Variants in LRCH4 observed in about 807,000 individuals in gnomAD.
The protein encoded by LRCH4 is leucine rich repeats and calponin homology domain containing 4.
A neutral mutation model predicts 81.2 loss-of-function variants in LRCH4; 56 were observed. The observed-to-expected ratio is 0.69, with a 90% CI of 0.56 to 0.86. LRCH4 has a LOEUF of 0.86. LRCH4 is among the 40% of genes least tolerant of loss of function. LRCH4 has a pLI of 0.00. For missense variants in LRCH4, 895 were observed against 922.8 expected, an observed-to-expected ratio of 0.97 and a Z score of 0.39; for synonymous variants, 442 against 409.7, an observed-to-expected ratio of 1.08 and a Z score of -0.95.
intron 1 of LRCH4, 34 bp downstream of exon 1, chr7:100,585,847 G>A (rs1378947688): frequency 2.6e-6 from 4 of 1,526,488 alleles, no homozygotes; most frequent in Admixed American, 2.0e-5. Flanking sequence ...GCAAATGAGG[G>A]ACCCGGTTGG....
rs1348217748 is a variant in LRCH4, at chr7:100,574,628, G to GCACACACACACACACACACACA, written c.*478_*479insTGTGTGTGTGTGTGTGTGTGTG. 12 of 134,178 alleles carry GCACACACACACACACACACACA rather than the reference G, an allele frequency of 8.9e-5. No individual in the cohort carries two copies. The highest frequency in any genetic ancestry group is 3.7e-4 in the African/African-American group (12 of 32,572). 8.3% of individuals were successfully genotyped at this position (134,178 alleles called of 1,614,324 possible). On this transcript the variant is annotated 3_prime_UTR_variant, in exon 18 of 18. Coordinates refer to ENST00000310300, the MANE Select transcript of LRCH4 (RefSeq NM_002319.5). ...CAACACGCGGAGCAGACGCGCGCGC[G>GCACACACACACACACACACACA]CGCGCACACACACACACACAGGCAG...
chr7:100,580,467 A>AT (rs1801499886), intron 4 of LRCH4: 1 of 151,060 alleles, frequency 6.6e-6, no homozygotes, highest in South Asian at 2.1e-4. Context: ...ACACGCAAAC[A>AT]ACATACATAC....
At chr7:100,581,939 C>A in intron 3 of LRCH4, 57 bp from the exon 4 acceptor site, 1 of 1,609,896 alleles carries the variant, frequency 6.2e-7, no homozygotes, top group African/African-American at 1.3e-5. Flanking sequence ...CAGAACCCAC[C>A]CTCCCATCTC....
intron 14 of LRCH4, 51 bp downstream of exon 14, chr7:100,576,643 C>A: frequency 6.8e-7 from 1 of 1,468,752 alleles, no homozygotes; most frequent in South Asian, 1.2e-5. Flanking sequence ...GTGATGTAGC[C>A]GTTGGTGCTG....
chr7:100,577,581 G>C lies in LRCH4; in HGVS notation c.1117-23C>G. The C allele has an allele frequency of 6.2e-7, 1 of 1,611,330 alleles. No individual in the cohort carries two copies. The highest frequency in any genetic ancestry group is 8.5e-7 in the Non-Finnish European group (1 of 1,179,890). On this transcript the variant is annotated intron_variant, in intron 9 of 17. Transcript: ENST00000310300. This position sits in a 1 kb window ranked among gnomAD's most constrained non-coding sequence, Gnocchi z 6.7. ...CTCCTAAGGAGAGAACAGCAGAGCA[G>C]CTGAGGGCAGGCCTGTGCCCACGCC... is the stretch of plus-strand genomic sequence containing the variant.
At position 100,586,006 on chromosome 7, in the gene LRCH4, C is replaced by A; in HGVS notation, c.95G>T (p.Arg32Leu). 6.2e-7 allele frequency: 1 copy of A among 1,609,534 alleles called. No individual in the cohort carries two copies. The change falls in exon 1 of 18, where the codon CGC becomes CTC. Residue 32 changes from arginine (R) to leucine (L), a missense_variant. Arg to Leu is a moderately radical substitution (Grantham distance 102). Coordinates refer to ENST00000310300, the MANE Select transcript of LRCH4 (RefSeq NM_002319.5). ...VPGSPGLPGR[R>L]SAERALEEAV... ...CTCCTCTAGGGCCCGCTCTGCACTG[C>A]GTCTCCCCGGCAGACCTGGAGACCC...
intron 4 of LRCH4, 43 bp downstream of exon 4, chr7:100,581,734 C>T (rs764692333): frequency 1.7e-5 from 27 of 1,565,196 alleles, no homozygotes; most frequent in East Asian, 9.0e-5. Flanking sequence ...CCAACTGGGA[C>T]GCACATACAA....
Position 100,585,967 on chromosome 7 carries a change from C to G in LRCH4, c.134G>C (p.Gly45Ala). The change falls in exon 1 of 18, where the codon GGG becomes GCG. Residue 45 changes from glycine (G) to alanine (A), a missense_variant. Gly to Ala is a moderately conservative substitution (Grantham distance 60, BLOSUM62 0). This residue lies in a region of LRCH4 where 360 missense variants were observed against 397.0 expected (regional missense o/e 0.91). Coordinates refer to ENST00000310300, the MANE Select transcript of LRCH4 (RefSeq NM_002319.5). ...GCGCCGGTTAGACAGGTTCAGGGTC[C>G]CGGTGGCCACGGCCTCCTCTAGGGC... ...ERALEEAVAT[G>A]TLNLSNRRLK... The G allele has an allele frequency of 6.2e-7, 1 of 1,612,396 alleles. No homozygotes were observed. Among genetic ancestry groups the G allele is most frequent in the African/African-American group, 1.3e-5 (1 of 74,846 alleles).
rs201639027 is a variant in LRCH4 at position 100,575,190 on chromosome 7, A to G, written c.1969T>C (p.Ser657Pro). The change falls in exon 18 of 18, where the codon TCT becomes CCT. Residue 657 changes from serine (S) to proline (P), a missense_variant. By Grantham distance (74) the Ser-to-Pro change is moderately conservative (BLOSUM62 -1). Coordinates refer to ENST00000310300, the MANE Select transcript of LRCH4 (RefSeq NM_002319.5). The surrounding 1 kb of genome is among the most constrained non-coding windows in gnomAD (Gnocchi z 5.3). ...GKALPPLWPP[S>P]GLGGFVVFYV... Reference sequence around the variant, plus strand: ...AAGACGACGAAGCCGCCCAGACCAGAGGGGGGCCAGAGGGGCGGTAGGGCC... The same window carrying G: ...AAGACGACGAAGCCGCCCAGACCAGGGGGGGGCCAGAGGGGCGGTAGGGCC... 847 of 1,613,094 alleles carry G rather than the reference A, an allele frequency of 5.3e-4. 8 individuals are homozygous for G. Among genetic ancestry groups the G allele is most frequent in the East Asian group, 5.8e-4 (26 of 44,856 alleles).
Position 100,575,339 on chromosome 7 carries a change from G to A in LRCH4, c.1855-35C>T, listed in dbSNP as rs1257152466. The A allele has an allele frequency of 1.3e-6, 2 of 1,505,974 alleles. No individual in the cohort carries two copies. Among genetic ancestry groups the A allele is most frequent in the Admixed American group, 2.1e-5 (1 of 48,464 alleles). The allele number at this position is 1,505,974 out of a possible 1,614,324, so 93.3% of individuals were successfully genotyped here. On this transcript the variant is annotated intron_variant, in intron 17 of 17. Transcript: ENST00000310300. The surrounding 1 kb of genome is among the most constrained non-coding windows in gnomAD (Gnocchi z 5.3). Reference sequence around the variant, plus strand: ...AGGAGAGCAGGTGGACAAGGACAAGGGACAGACGTCAGCAGCAGCAGCAGG... The same window carrying A: ...AGGAGAGCAGGTGGACAAGGACAAGAGACAGACGTCAGCAGCAGCAGCAGG...
intron 1 of LRCH4, chr7:100,584,287 G>A (rs899751298): frequency 1.3e-5 from 6 of 455,006 alleles, no homozygotes; most frequent in Middle Eastern, 3.2e-4. Flanking sequence ...GGACAAGAGG[G>A]ACCCCACTTG....
At chr7:100,585,153 C>T (rs1267227579) in intron 1 of LRCH4, 1 of 197,534 alleles carries the variant, frequency 5.1e-6, no homozygotes, top group African/African-American at 2.4e-5. Context: ...AAGTCCCTCC[C>T]CCGGGGGAAA....
chr7:100,584,657 G>C (rs574123800), intron 1 of LRCH4: 215 of 456,076 alleles, frequency 4.7e-4, no homozygotes, highest in Non-Finnish European at 8.3e-4. Flanking sequence ...GGGCAGGAAT[G>C]GCTCCTGGAG....
In LRCH4 at chr7:100,576,704, CTGAG is replaced by C; in HGVS notation, c.1538_1541del (p.Ser513Ter). The stretch of plus-strand genomic sequence containing the variant: ...GGGCAGGACACCCACCTGAGCCACT[CTGAG>C]AGGAGGAACGGAAGAGGAAGCTGTT... On this transcript the variant is annotated frameshift_variant, in exon 14 of 18. Transcript: ENST00000310300. LOFTEE classifies it high-confidence loss of function. The C allele has an allele frequency of 3.1e-6, 5 of 1,591,306 alleles. No individual in the cohort carries two copies. The highest frequency in any genetic ancestry group is 4.3e-6 in the Non-Finnish European group (5 of 1,168,776).
rs746584679 is a variant in LRCH4, at chr7:100,578,371, G to A, written c.848+28C>T. Reference sequence around the variant, plus strand: ...GGGAAGGGGCATTCAGTATCCCAGGGCTTCCTTCCTCCCCACCTAGGACTT... The same window carrying A: ...GGGAAGGGGCATTCAGTATCCCAGGACTTCCTTCCTCCCCACCTAGGACTT... On this transcript the variant is annotated intron_variant, in intron 6 of 17. Coordinates refer to ENST00000310300, the MANE Select transcript of LRCH4 (RefSeq NM_002319.5). The surrounding 1 kb of genome is among the most constrained non-coding windows in gnomAD (Gnocchi z 5.7). The A allele has an allele frequency of 1.1e-5, 17 of 1,607,082 alleles. No individual in the cohort carries two copies. The highest frequency in any genetic ancestry group is 2.7e-5 in the African/African-American group (2 of 74,744).
chr7:100,576,122 CA>C lies in LRCH4; in HGVS notation c.1638+115del, dbSNP rs1036595003. Reference sequence around the variant, plus strand: ...ACTTGTGCCTGTCCCTTCCTGTCCTCAGGGGAGGTGCCAGAGTGGGCACAGA... The same window carrying C: ...ACTTGTGCCTGTCCCTTCCTGTCCTCGGGGAGGTGCCAGAGTGGGCACAGA... On this transcript the variant is annotated intron_variant, in intron 15 of 17. Transcript: ENST00000310300. 3.8e-5 allele frequency: 56 copies of C among 1,482,600 alleles called. No individual in the cohort carries two copies. In the African/African-American group the frequency reaches 7.4e-4, roughly 20 times the overall value. The allele number at this position is 1,482,600 out of a possible 1,614,324, so 91.8% of individuals were successfully genotyped here. A position where few individuals can be genotyped will look rare whatever the true frequency, so the allele number is the denominator to read the frequency against.
At position 100,583,888 on chromosome 7, in the gene LRCH4, G is replaced by A; in HGVS notation, c.221-1429C>T. ...CAGAGTTCTGATGGGGTAGGCGGTG[G>A]CGGGGACAAAAGCTAGGAGCGGAAG... On this transcript the variant is annotated intron_variant, in intron 1 of 17. Coordinates refer to ENST00000310300, the MANE Select transcript of LRCH4 (RefSeq NM_002319.5). The surrounding 1 kb of genome is among the most constrained non-coding windows in gnomAD (Gnocchi z 4.3). 3.4e-6 allele frequency: 1 copy of A among 296,404 alleles called. No homozygotes were observed. The highest frequency in any genetic ancestry group is 2.8e-5 in the South Asian group (1 of 35,510). The allele number at this position is 296,404 out of a possible 1,614,324, so 18.4% of individuals were successfully genotyped here.
intron 1 of LRCH4, chr7:100,584,971 G>A (rs955921562): frequency 5.6e-6 from 2 of 358,078 alleles, no homozygotes; most frequent in African/African-American, 2.1e-5. Flanking sequence ...GAGTAGCTGA[G>A]GCTTGACTCA....
rs1209300465 is a variant in LRCH4, at chr7:100,582,308, T to C, written c.365+7A>G. 2 of 1,613,938 alleles carry C rather than the reference T, an allele frequency of 1.2e-6. No individual in the cohort carries two copies. Among genetic ancestry groups the C allele is most frequent in the Non-Finnish European group, 1.7e-6 (2 of 1,180,022 alleles). Reference sequence around the variant, plus strand: ...GCTCCCACGTGGCCCTGGCTCGGCCTCCCTACCTGAGGTTGAGGTAGGTGA... The same window carrying C: ...GCTCCCACGTGGCCCTGGCTCGGCCCCCCTACCTGAGGTTGAGGTAGGTGA... On this transcript the variant is annotated splice_region_variant and intron_variant, in intron 2 of 17. Transcript: ENST00000310300. The surrounding 1 kb of genome is among the most constrained non-coding windows in gnomAD (Gnocchi z 5.0).
Sources: allele counts gnomAD v4.1 joint callset, GRCh38; gene constraint gnomAD v4.1.1; regional missense constraint gnomAD v4.1.1; non-coding constraint Gnocchi (gnomAD v3.1); transcripts MANE v1.5; gene names NCBI Gene and HGNC (gene_info 2026-07-23, HGNC 2026-07-21).